Variants in BMPR1A observed in about 807,000 individuals in gnomAD.
The protein encoded by BMPR1A is bone morphogenetic protein receptor type-1A.
In BMPR1A, 7 loss-of-function variants were observed where a neutral mutation model predicts 66.0. The ratio of observed to expected loss-of-function variants is 0.11; its 90% CI spans 0.06 to 0.20. The LOEUF (loss-of-function observed/expected upper bound fraction) is 0.20, where lower values mean the gene tolerates loss of function less well. BMPR1A is among the 10% of genes least tolerant of loss of function. The pLI, the probability that BMPR1A is intolerant of heterozygous loss-of-function variation, is 1.00. For synonymous variants in BMPR1A, 200 were observed against 229.7 expected (o/e 0.87, Z 1.17); for missense variants, 408 against 669.1 (o/e 0.61, Z 4.31).
At chr10:86,830,979 G>A (rs1842260133) in intron 1 of BMPR1A, among the ~76,000 whole-genome samples, 1 of 152,022 alleles carries the variant, frequency 6.6e-6, no homozygotes, top group South Asian at 2.1e-4. Flanking sequence ...CCTATAAGTG[G>A]AATCATATGT....
chr10:86,858,873 C>T (rs1486717060), intron 2 of BMPR1A, among the ~76,000 whole-genome samples: 1 of 152,060 alleles, frequency 6.6e-6, no homozygotes, highest in African/African-American at 2.4e-5. Context: ...AGATTCAATG[C>T]AATCCCTATC....
At chr10:86,893,164 G>A (rs1179892061) in intron 5 of BMPR1A, among the ~76,000 whole-genome samples, 4 of 152,150 alleles carry the variant, frequency 2.6e-5, no homozygotes, top group South Asian at 2.1e-4. Flanking sequence ...GATAGTGGCA[G>A]TAACCTTTGT....
intron 2 of BMPR1A, among the ~76,000 whole-genome samples, chr10:86,871,361 C>T (rs1842853300): frequency 6.6e-6 from 1 of 152,186 alleles, no homozygotes; most frequent in South Asian, 2.1e-4. Context: ...TTCATGAAGG[C>T]TGGGCCTGTT....
chr10:86,845,827 C>A (rs1842477606), intron 2 of BMPR1A, among the ~76,000 whole-genome samples: 1 of 151,966 alleles, frequency 6.6e-6, no homozygotes, highest in African/African-American at 2.4e-5. Context: ...GAAACCCCGT[C>A]TCTACTAAAA....
chr10:86,777,664 A>T (rs1010587178), intron 1 of BMPR1A, among the ~76,000 whole-genome samples: 4 of 152,080 alleles, frequency 2.6e-5, no homozygotes, highest in Admixed American at 2.0e-4. Context: ...TCATTATTTT[A>T]TACAACAGAT....
chr10:86,876,303 C>G (rs1387341324), intron 3 of BMPR1A, among the ~76,000 whole-genome samples: 1 of 152,188 alleles, frequency 6.6e-6, no homozygotes, highest in Non-Finnish European at 1.5e-5. Context: ...CTGAGTCTGT[C>G]TTCTCCTTCA....
rs1843723494 is a variant in BMPR1A at position 86,925,222 on chromosome 10, AACTTAT to A, written c.*1508_*1513del. On this transcript the variant is annotated 3_prime_UTR_variant, in exon 13 of 13. Coordinates refer to ENST00000372037, the MANE Select transcript of BMPR1A (RefSeq NM_004329.3). ...TATCTCAAGAAATCTGATTTACATA[AACTTAT>A]ACTTCTTTAATGCTTTTTAAATATT... 2 of 228,676 alleles carry A rather than the reference AACTTAT, an allele frequency of 8.7e-6. No homozygotes were observed. Among genetic ancestry groups the A allele is most frequent in the African/African-American group, 2.2e-5 (1 of 45,126 alleles). The allele number at this position is 228,676 out of a possible 1,614,324, so 14.2% of individuals were successfully genotyped here.
At chr10:86,874,709 CTT>C (rs200991488) in intron 2 of BMPR1A, among the ~76,000 whole-genome samples, 86 of 92,420 alleles carry the variant, frequency 9.3e-4, no homozygotes, top group African/African-American at 4.0e-3. Flanking sequence ...ACCCGACCTT[CTT>C]TTTTTTTTTT....
chr10:86,885,767 C>T (rs1393582331), intron 3 of BMPR1A, among the ~76,000 whole-genome samples: 1 of 152,146 alleles, frequency 6.6e-6, no homozygotes, highest in African/African-American at 2.4e-5. Flanking sequence ...TCTCACCAAC[C>T]GTTTGCCATC....
chr10:86,838,043 C>T (rs999117984), intron 1 of BMPR1A, among the ~76,000 whole-genome samples: 3 of 152,120 alleles, frequency 2.0e-5, no homozygotes, highest in Admixed American at 6.5e-5. Flanking sequence ...TTTTAAAACA[C>T]GAAACAGAAT....
In BMPR1A at chr10:86,917,266, A is replaced by G. The variant is rs1843587199; in HGVS notation, c.808A>G (p.Ser270Gly). 6.2e-7 allele frequency: 1 copy of G among 1,614,006 alleles called. No individual in the cohort carries two copies. The highest frequency in any genetic ancestry group is 8.5e-7 in the Non-Finnish European group (1 of 1,179,998). The stretch of plus-strand genomic sequence containing the variant: ...AGTATTCTTTACCACTGAAGAAGCC[A>G]GCTGGTTTCGAGAAACAGAAATCTA... Reference protein sequence around the residue: ...VKVFFTTEEASWFRETEIYQT... With the variant: ...VKVFFTTEEAGWFRETEIYQT... The change falls in exon 9 of 13, where the codon AGC (serine) becomes GGC (glycine). Residue 270 changes from serine to glycine, a missense_variant. This residue lies in a region of BMPR1A where 174 missense variants were observed against 265.1 expected (regional missense o/e 0.66). Coordinates refer to ENST00000372037, the MANE Select transcript of BMPR1A (RefSeq NM_004329.3).
chr10:86,888,310 AC>A (rs1843098282), intron 3 of BMPR1A, among the ~76,000 whole-genome samples: 1 of 151,970 alleles, frequency 6.6e-6, no homozygotes, highest in South Asian at 2.1e-4. Flanking sequence ...CCAACAAAAT[AC>A]AAAAAAATTA....
At chr10:86,760,272 G>C (rs1187675239) in intron 1 of BMPR1A, among the ~76,000 whole-genome samples, 1 of 11,378 alleles carries the variant, frequency 8.8e-5, no homozygotes, top group Non-Finnish European at 2.2e-4. Flanking sequence ...TTTTTTTTTT[G>C]ATACAGAGTC....
intron 8 of BMPR1A, among the ~76,000 whole-genome samples, chr10:86,916,426 A>G (rs1169621919): frequency 6.6e-6 from 1 of 152,212 alleles, no homozygotes; most frequent in Non-Finnish European, 1.5e-5. Flanking sequence ...TCATGCTGCC[A>G]TTATTTTTTG....
chr10:86,859,600 ACCTGAGGTCAGGAGTTCGAGAC>A (rs1321594918), intron 2 of BMPR1A, among the ~76,000 whole-genome samples: 1 of 152,000 alleles, frequency 6.6e-6, no homozygotes, highest in Non-Finnish European at 1.5e-5. Context: ...CAGGTGGATC[ACCTGAGGTCAGGAGTTCGAGAC>A]CAGCCTGGCC....
chr10:86,780,911 C>T (rs900850341), intron 1 of BMPR1A, among the ~76,000 whole-genome samples: 12 of 152,108 alleles, frequency 7.9e-5, no homozygotes, highest in Non-Finnish European at 1.5e-5. Context: ...GACAAGGTCT[C>T]ACCACGTTGC....
intron 7 of BMPR1A, among the ~76,000 whole-genome samples, chr10:86,906,065 G>C (rs577890873): frequency 1.3e-5 from 2 of 152,246 alleles, no homozygotes; most frequent in South Asian, 4.1e-4. Context: ...CAGGTCTGCT[G>C]GCTGTAAGTC....
chr10:86,908,733 C>T (rs181228008), intron 7 of BMPR1A, among the ~76,000 whole-genome samples: 24 of 152,244 alleles, frequency 1.6e-4, no homozygotes, highest in African/African-American at 4.3e-4. Context: ...GTGAGGGGGG[C>T]GTGCCTGTTG....
chr10:86,871,898 G>A (rs899640692), intron 2 of BMPR1A, among the ~76,000 whole-genome samples: 5 of 152,014 alleles, frequency 3.3e-5, no homozygotes, highest in African/African-American at 1.2e-4. Flanking sequence ...TATGTACTCT[G>A]TGAGCAAAGT....
Sources: gnomAD v4.1 joint callset for allele counts (sites outside exome capture counted in the v4.1 genomes callset) on GRCh38, gnomAD v4.1.1 for gene constraint, gnomAD v4.1.1 regional missense constraint, MANE v1.5 for transcripts, NCBI Gene and HGNC (gene_info 2026-07-23, HGNC 2026-07-21) for gene names.